The following PCGF6 variants were observed in gnomAD, a reference collection of about 807,000 sequenced individuals.
The protein encoded by PCGF6 is polycomb group ring finger 6, also known as polycomb group RING finger protein 6.
A neutral mutation model predicts 45.5 loss-of-function variants in PCGF6; 24 were observed. The observed-to-expected ratio is 0.53, with a 90% CI of 0.38 to 0.74. The LOEUF is 0.74. PCGF6 is among the 30% of genes least tolerant of loss of function. The pLI, the probability that PCGF6 is intolerant of heterozygous loss-of-function variation, is 0.00. For synonymous variants in PCGF6, 152 were observed against 162.1 expected, an observed-to-expected ratio of 0.94 and a Z score of 0.47; for missense variants, 356 against 443.2, an observed-to-expected ratio of 0.80 and a Z score of 1.77.
intron 6 of PCGF6, among the ~76,000 whole-genome samples, chr10:103,341,727 A>C (rs2093281630): frequency 6.6e-6 from 1 of 151,702 alleles, no homozygotes; most frequent in Admixed American, 6.6e-5. Context: ...TACAGGCGAG[A>C]GCCACTGCGC....
chr10:103,317,919 T>C (rs1157240607), intron 8 of PCGF6, among the ~76,000 whole-genome samples: 1 of 151,254 alleles, frequency 6.6e-6, no homozygotes, highest in Non-Finnish European at 1.5e-5. Context: ...TCACCACGCA[T>C]GGCTAATTTT....
At chr10:103,314,869 C>T (rs531183850) in intron 8 of PCGF6, among the ~76,000 whole-genome samples, 132 of 144,664 alleles carry the variant, frequency 9.1e-4, no homozygotes, top group African/African-American at 3.0e-3. Flanking sequence ...GCAGGAGAAT[C>T]ACTCGACCCC....
chr10:103,325,618 A>G (rs976209123), intron 8 of PCGF6, among the ~76,000 whole-genome samples: 2 of 152,156 alleles, frequency 1.3e-5, no homozygotes, highest in Non-Finnish European at 2.9e-5. Context: ...ATGATAAGCA[A>G]TATTTTTCTC....
chr10:103,334,929 T>C (rs1054398809), intron 6 of PCGF6, among the ~76,000 whole-genome samples: 1 of 152,178 alleles, frequency 6.6e-6, no homozygotes, highest in Admixed American at 6.6e-5. Flanking sequence ...GACACACAAA[T>C]ATGGTAGGTA....
Position 103,338,017 on chromosome 10 carries a change from TCCCGCCA to T in PCGF6, c.783-4072_783-4066del, listed in dbSNP as rs1245566026. 5.8e-4 allele frequency among the ~76,000 whole-genome samples: 23 copies of T among 39,782 alleles called. 10 individuals carry two copies. The highest frequency in any genetic ancestry group is 7.6e-4 in the Non-Finnish European group (15 of 19,856). The allele number at this position is 39,782 out of a possible 152,430, so 26.1% of individuals were successfully genotyped here. Reference sequence around the variant, plus strand: ...AGGCGGAGCTTGCAGTGAGCCGAGATCCCGCCACTGCACTCCAGCCTGGGTGACAGAG... The same window carrying T: ...AGGCGGAGCTTGCAGTGAGCCGAGATCTGCACTCCAGCCTGGGTGACAGAG... On this transcript the variant is annotated intron_variant, in intron 6 of 9. Transcript: ENST00000369847.
chr10:103,304,290 C>T (rs1306952208), intron 9 of PCGF6, among the ~76,000 whole-genome samples: 1 of 151,788 alleles, frequency 6.6e-6, no homozygotes, highest in African/African-American at 2.4e-5. Context: ...GCACCCGCCA[C>T]CATACTCAGC....
intron 5 of PCGF6, among the ~76,000 whole-genome samples, chr10:103,346,572 C>T (rs963655426): frequency 6.6e-6 from 1 of 151,968 alleles, no homozygotes; most frequent in Non-Finnish European, 1.5e-5. Context: ...TGCAGTGAGC[C>T]AAGATCATGC....
At chr10:103,310,630 C>A (rs144196198) in intron 9 of PCGF6, among the ~76,000 whole-genome samples, 1 of 152,180 alleles carries the variant, frequency 6.6e-6, no homozygotes, top group East Asian at 1.9e-4. Context: ...ATATTCACAT[C>A]TTCTTTTGAG....
intron 5 of PCGF6, 82 bp downstream of exon 5, chr10:103,347,156 C>A: frequency 1.8e-6 from 2 of 1,087,122 alleles, no homozygotes; most frequent in Admixed American, 2.1e-5. Context: ...AAGCTACCCC[C>A]AAAAGGAACT....
intron 7 of PCGF6, among the ~76,000 whole-genome samples, chr10:103,327,341 TGGAGAA>T (rs1256081897): frequency 6.6e-6 from 1 of 151,756 alleles, no homozygotes; most frequent in Non-Finnish European, 1.5e-5. Flanking sequence ...AAAAACAAGA[TGGAGAA>T]GGAATGGCGA....
chr10:103,326,532 A>G lies in PCGF6; in HGVS notation c.909+2T>C. On this transcript the variant is annotated splice_donor_variant, in intron 8 of 9. Transcript: ENST00000369847. LOFTEE classifies it high-confidence loss of function. ...CTATTCTTTTACATATATGTACTGTACCTGACAAGCTGGATCAAGACCCAT... is the reference window on the plus strand; with the variant it reads ...CTATTCTTTTACATATATGTACTGTGCCTGACAAGCTGGATCAAGACCCAT... 10 of 1,601,750 alleles carry G rather than the reference A, an allele frequency of 6.2e-6. No individual in the cohort carries two copies. Among genetic ancestry groups the G allele is most frequent in the Non-Finnish European group, 8.5e-6 (10 of 1,172,504 alleles).
intron 9 of PCGF6, among the ~76,000 whole-genome samples, chr10:103,304,460 C>A (rs767809961): frequency 4.6e-5 from 7 of 152,068 alleles, no homozygotes; most frequent in African/African-American, 1.4e-4. Flanking sequence ...CCTGCCTCAG[C>A]CTACCGAGTA....
chr10:103,308,190 A>T (rs2093144413), intron 9 of PCGF6, among the ~76,000 whole-genome samples: 1 of 152,130 alleles, frequency 6.6e-6, no homozygotes, highest in Non-Finnish European at 1.5e-5. Context: ...GAAGAGGGCC[A>T]CTGTCCTCCA....
Position 103,326,589 on chromosome 10 carries a change from A to G in PCGF6, c.854T>C (p.Ile285Thr). The G allele has an allele frequency of 6.2e-7, 1 of 1,612,396 alleles. No individual in the cohort carries two copies. Among genetic ancestry groups the G allele is most frequent in the Non-Finnish European group, 8.5e-7 (1 of 1,179,734 alleles). The change falls in exon 8 of 10, where the codon ATT becomes ACT. Residue 285 changes from isoleucine to threonine, a missense_variant. Coordinates refer to ENST00000369847, the MANE Select transcript of PCGF6 (RefSeq NM_001011663.2). ...KFVRVSGEAT[I>T]GHVEKFLRRK... Reference sequence around the variant, plus strand: ...TCTGAGGAATTTTTCTACATGTCCAATAGTTGCTTCTCCTGAAACTCGAAC... The same window carrying G: ...TCTGAGGAATTTTTCTACATGTCCAGTAGTTGCTTCTCCTGAAACTCGAAC...
chr10:103,337,718 A>G (rs189645428), intron 6 of PCGF6, among the ~76,000 whole-genome samples: 12 of 151,968 alleles, frequency 7.9e-5, no homozygotes, highest in African/African-American at 2.9e-4. Context: ...ACCTGAGGTC[A>G]GGAGTTCAAG....
chr10:103,345,546 C>A (rs1475485421), intron 5 of PCGF6, among the ~76,000 whole-genome samples: 1 of 151,832 alleles, frequency 6.6e-6, no homozygotes, highest in African/African-American at 2.4e-5. Flanking sequence ...AAACTGAGAC[C>A]GCCAGTCGCC....
In PCGF6 at chr10:103,350,965, G is replaced by T; in HGVS notation, c.102C>A (p.Leu34=). ...PPPPPVSPPA[L]TPAPAAGEEG... ...CCTCACCCGCTGCGGGTGCAGGGGT[G>T]AGGGCGGGCGGGGAGACAGGAGGCG... The change falls in exon 1 of 10, where the codon CTC becomes CTA. Residue 34 remains leucine (L), a synonymous_variant. Transcript: ENST00000369847. The T allele has an allele frequency of 6.9e-7, 1 of 1,443,686 alleles. No individual in the cohort carries two copies. The highest frequency in any genetic ancestry group is 9.1e-7 in the Non-Finnish European group (1 of 1,101,932). The allele number at this position is 1,443,686 out of a possible 1,614,324, so 89.4% of individuals were successfully genotyped here.
chr10:103,306,557 T>C (rs77328741), intron 9 of PCGF6, among the ~76,000 whole-genome samples: 15,855 of 152,186 alleles, frequency 0.1, 825 homozygotes, highest in Middle Eastern at 0.15. Flanking sequence ...CTCTGGCTAT[T>C]ACTCTCCTTC....
intron 3 of PCGF6, among the ~76,000 whole-genome samples, 156 bp from the exon 4 acceptor site, chr10:103,347,606 C>T (rs989959711): frequency 2.0e-5 from 3 of 152,156 alleles, no homozygotes; most frequent in Non-Finnish European, 2.9e-5. Flanking sequence ...ATATAACTCA[C>T]TCAAGAAAAC....
Sources: allele counts gnomAD v4.1 joint callset (sites outside exome capture counted in the v4.1 genomes callset), GRCh38; gene constraint gnomAD v4.1.1; transcripts MANE v1.5; gene names NCBI Gene and HGNC (gene_info 2026-07-23, HGNC 2026-07-21).